Variants in USP49 observed in about 807,000 individuals in gnomAD.
USP49 encodes ubiquitin specific peptidase 49.
In USP49, 24 loss-of-function variants were observed where a neutral mutation model predicts 58.6. The ratio of observed to expected loss-of-function variants is 0.41; its 90% CI spans 0.30 to 0.58. The LOEUF (loss-of-function observed/expected upper bound fraction) is 0.58, where lower values mean the gene tolerates loss of function less well. Ranked by LOEUF, USP49 falls within the 20% of genes least tolerant of loss-of-function variation. The probability of loss-of-function intolerance (pLI) is 0.30; values close to 1 mark genes in which losing one functional copy is unlikely to be tolerated. For synonymous variants in USP49, 408 were observed against 365.1 expected, an observed-to-expected ratio of 1.12 and a Z score of -1.34; for missense variants, 703 against 866.1, an observed-to-expected ratio of 0.81 and a Z score of 2.36.
At chr6:41,864,458 G>A (rs1774275934) in intron 3 of USP49, among the ~76,000 whole-genome samples, 1 of 152,148 alleles carries the variant, frequency 6.6e-6, no homozygotes, top group African/African-American at 2.4e-5. Flanking sequence ...AGCTACTCAG[G>A]AGGCTGAGGC....
chr6:41,854,095 T>A (rs539452650), intron 3 of USP49, among the ~76,000 whole-genome samples: 3 of 148,554 alleles, frequency 2.0e-5, no homozygotes, highest in Non-Finnish European at 4.5e-5. Context: ...GGCAGGTGGA[T>A]CACCTGAGGT....
chr6:41,818,258 A>T (rs1463544860), intron 3 of USP49, among the ~76,000 whole-genome samples: 7 of 152,128 alleles, frequency 4.6e-5, no homozygotes, highest in Non-Finnish European at 1.0e-4. Flanking sequence ...CTTTTCCAGG[A>T]GGATAGCTGA....
rs1772850573 is a variant in USP49 at position 41,794,351 on chromosome 6, A to T, written c.*2182T>A. 1 of 152,252 alleles carries T rather than the reference A, an allele frequency of 6.6e-6. No individual in the cohort carries two copies. The highest frequency in any genetic ancestry group is 2.4e-5 in the African/African-American group (1 of 41,462). The allele number at this position is 152,252 out of a possible 1,614,324, so 9.4% of individuals were successfully genotyped here. On this transcript the variant is annotated 3_prime_UTR_variant, in exon 8 of 8. Transcript: ENST00000682992. ...GGTATAAAACTATTTTTAAAAATTA[A>T]ATTGGAAGATCTTTGAATTTTCCAT...
At chr6:41,821,632 G>T (rs915777545) in intron 3 of USP49, among the ~76,000 whole-genome samples, 4 of 152,100 alleles carry the variant, frequency 2.6e-5, no homozygotes, top group African/African-American at 9.7e-5. Flanking sequence ...AACTTAGTTG[G>T]GTGTGGTGGT....
chr6:41,835,629 A>C (rs1009284675), intron 3 of USP49, among the ~76,000 whole-genome samples: 1 of 151,548 alleles, frequency 6.6e-6, no homozygotes, highest in African/African-American at 2.4e-5. Context: ...CAGGAGAATC[A>C]CTTGAACCCA....
chr6:41,845,374 A>T (rs1773904518), intron 3 of USP49, among the ~76,000 whole-genome samples: 1 of 152,028 alleles, frequency 6.6e-6, no homozygotes, highest in African/African-American at 2.4e-5. Flanking sequence ...TAAAAATATA[A>T]AATTAGCCGG....
intron 1 of USP49, among the ~76,000 whole-genome samples, chr6:41,894,912 T>A (rs1216733534): frequency 1.3e-5 from 2 of 151,774 alleles, no homozygotes; most frequent in African/African-American, 4.8e-5. Context: ...GTTCCCCTCA[T>A]CGCCTCCAAG....
intron 3 of USP49, among the ~76,000 whole-genome samples, chr6:41,809,956 C>T (rs1773221268): frequency 1.3e-5 from 2 of 148,584 alleles, no homozygotes; most frequent in South Asian, 2.1e-4. Context: ...TCGAGACCAT[C>T]CTGGCTAACA....
rs550879132 is a variant in USP49 at position 41,845,948 on chromosome 6, G to T, written c.-29+25616C>A. 4.6e-5 allele frequency among the ~76,000 whole-genome samples: 7 copies of T among 152,062 alleles called. No homozygotes were observed. The South Asian group carries it at 8.3e-4, about 18-fold the overall frequency. On this transcript the variant is annotated intron_variant, in intron 3 of 7. Coordinates refer to ENST00000682992, the MANE Select transcript of USP49 (RefSeq NM_001286554.2). ...GTTTTAATTTATAAATCTTGTCTTCGCAGCCAAAAGGTAAGTTATTTCAGG... is the reference window on the plus strand; with the variant it reads ...GTTTTAATTTATAAATCTTGTCTTCTCAGCCAAAAGGTAAGTTATTTCAGG...
chr6:41,842,568 G>A (rs1444405012), intron 3 of USP49, among the ~76,000 whole-genome samples: 1 of 152,064 alleles, frequency 6.6e-6, no homozygotes, highest in East Asian at 1.9e-4. Context: ...TATCATGTCA[G>A]TATATGTCAA....
intron 2 of USP49, among the ~76,000 whole-genome samples, chr6:41,885,264 A>G (rs1774688830): frequency 6.6e-6 from 1 of 152,246 alleles, no homozygotes; most frequent in Non-Finnish European, 1.5e-5. Context: ...CATTCAGTGC[A>G]GAGTGACATG....
Position 41,880,474 on chromosome 6 carries a change from A to T in USP49, c.-102-8837T>A, listed in dbSNP as rs189609537. ...CAGCATAACAGACAAAACAAGGCCT[A>T]GAATGAGGCTAATTATATTAAAATT... On this transcript the variant is annotated intron_variant, in intron 2 of 7. Transcript: ENST00000682992. Among the ~76,000 whole-genome samples the T allele has an allele frequency of 4.8e-3, 729 of 152,332 alleles. 4 individuals carry two copies. The highest frequency in any genetic ancestry group is 6.6e-3 in the Non-Finnish European group (452 of 68,028).
At chr6:41,881,556 C>CAA (rs1245264562) in intron 2 of USP49, among the ~76,000 whole-genome samples, 1 of 151,896 alleles carries the variant, frequency 6.6e-6, no homozygotes, top group African/African-American at 2.4e-5. Context: ...GTCTAAGTTT[C>CAA]AAGGCAAAAC....
At chr6:41,814,345 A>C (rs914139773) in intron 3 of USP49, among the ~76,000 whole-genome samples, 1 of 152,248 alleles carries the variant, frequency 6.6e-6, no homozygotes, top group Non-Finnish European at 1.5e-5. Flanking sequence ...TTCTATAAAT[A>C]TCACTAAGTA....
chr6:41,803,771 T>G lies in USP49; in HGVS notation c.1561+35A>C. The G allele has an allele frequency of 6.2e-7, 1 of 1,608,540 alleles. No individual in the cohort carries two copies. The highest frequency in any genetic ancestry group is 1.3e-5 in the African/African-American group (1 of 74,886). On this transcript the variant is annotated intron_variant, in intron 5 of 7. Coordinates refer to ENST00000682992, the MANE Select transcript of USP49 (RefSeq NM_001286554.2). The surrounding 1 kb of genome is among the most constrained non-coding windows in gnomAD (Gnocchi z 4.1). ...CTTAAACTGATATTCCAATTATTCT[T>G]CCCCACTACGCCCCCTCCTCCACAC...
At chr6:41,815,988 C>T (rs1394532764) in intron 3 of USP49, among the ~76,000 whole-genome samples, 1 of 152,230 alleles carries the variant, frequency 6.6e-6, no homozygotes, top group Non-Finnish European at 1.5e-5. Flanking sequence ...CACTGGTTTG[C>T]CCATGGAAAG....
intron 3 of USP49, among the ~76,000 whole-genome samples, chr6:41,810,328 AAC>A (rs762057632): frequency 0.017 from 2,474 of 149,446 alleles, 53 homozygotes; most frequent in African/African-American, 0.05. Context: ...TAAAAAAAAA[AAC>A]ACAAAAAAAA....
chr6:41,857,676 T>C (rs924460356), intron 3 of USP49, among the ~76,000 whole-genome samples: 15 of 152,200 alleles, frequency 9.9e-5, no homozygotes, highest in African/African-American at 3.6e-4. Context: ...TGAGGAACTC[T>C]TCCTTGGTAT....
chr6:41,794,606 A>T lies in USP49; in HGVS notation c.*1927T>A, dbSNP rs1772855557. ...AGTCATTACTAATCATGCCGACTTA[A>T]AAACGTGGATCTTGAGAGTACAGCT... On this transcript the variant is annotated 3_prime_UTR_variant, in exon 8 of 8. Coordinates refer to ENST00000682992, the MANE Select transcript of USP49 (RefSeq NM_001286554.2). 1 of 152,182 alleles carries T rather than the reference A, an allele frequency of 6.6e-6. No individual in the cohort carries two copies. The highest frequency in any genetic ancestry group is 1.5e-5 in the Non-Finnish European group (1 of 68,028). 9.4% of individuals were successfully genotyped at this position (152,182 alleles called of 1,614,324 possible).
Sources: allele counts gnomAD v4.1 joint callset (sites outside exome capture counted in the v4.1 genomes callset), GRCh38; gene constraint gnomAD v4.1.1; non-coding constraint Gnocchi (gnomAD v3.1); transcripts MANE v1.5; gene names NCBI Gene and HGNC (gene_info 2026-07-23, HGNC 2026-07-21).